Variants in RALYL observed in about 807,000 individuals in gnomAD.
RALYL encodes the protein RALY RNA binding protein like.
A neutral mutation model predicts 35.1 loss-of-function variants in RALYL; 29 were observed. That is an observed-to-expected ratio of 0.83 (90% CI 0.61 to 1.13). The LOEUF is 1.13. Among genes scored for constraint, RALYL ranks in the 50% most tolerant of loss-of-function variants. The pLI, the probability that RALYL is intolerant of heterozygous loss-of-function variation, is 0.00. For missense variants in RALYL, 359 were observed against 360.4 expected, an observed-to-expected ratio of 1.00 and a Z score of 0.03; for synonymous variants, 120 against 127.6, an observed-to-expected ratio of 0.94 and a Z score of 0.40.
At chr8:84,481,391 A>G (rs1325041696) in intron 1 of RALYL, among the ~76,000 whole-genome samples, 1 of 152,110 alleles carries the variant, frequency 6.6e-6, no homozygotes, top group Non-Finnish European at 1.5e-5. Flanking sequence ...GTGCAATGGC[A>G]CCATCATAGC....
At chr8:84,327,693 AT>A (rs1846065835) in intron 1 of RALYL, among the ~76,000 whole-genome samples, 1 of 151,826 alleles carries the variant, frequency 6.6e-6, no homozygotes, top group African/African-American at 2.4e-5. Flanking sequence ...AAAAAAAAAA[AT>A]TGCCATTCCC....
chr8:84,692,539 C>T (rs1353057391), intron 2 of RALYL, among the ~76,000 whole-genome samples: 2 of 152,100 alleles, frequency 1.3e-5, no homozygotes, highest in Admixed American at 1.3e-4. Flanking sequence ...ACCTAAATAT[C>T]ATTTCTCACA....
intron 1 of RALYL, among the ~76,000 whole-genome samples, chr8:84,316,593 T>G (rs1427261816): frequency 2.0e-5 from 3 of 152,182 alleles, no homozygotes; most frequent in Admixed American, 6.5e-5. Context: ...TAAACGTTGT[T>G]CATCTGTAGT....
chr8:84,283,606 G>A (rs1255114649), intron 1 of RALYL, among the ~76,000 whole-genome samples: 1 of 152,086 alleles, frequency 6.6e-6, no homozygotes, highest in Non-Finnish European at 1.5e-5. Flanking sequence ...AGTCACTGAA[G>A]GAATCCCAGA....
chr8:84,894,486 A>G (rs1167945760), intron 8 of RALYL, among the ~76,000 whole-genome samples: 1 of 152,164 alleles, frequency 6.6e-6, no homozygotes, highest in Non-Finnish European at 1.5e-5. Flanking sequence ...TCCTACTGAG[A>G]ATAGATATTG....
intron 2 of RALYL, among the ~76,000 whole-genome samples, chr8:84,646,912 T>C (rs1827622668): frequency 6.6e-6 from 1 of 152,054 alleles, no homozygotes; most frequent in African/African-American, 2.4e-5. Flanking sequence ...TTGATGATGA[T>C]TTTGTTTGTG....
intron 1 of RALYL, among the ~76,000 whole-genome samples, chr8:84,320,993 T>C (rs966775533): frequency 1.2e-4 from 19 of 152,128 alleles, no homozygotes; most frequent in Non-Finnish European, 2.5e-4. Flanking sequence ...TTTTTTGGCA[T>C]ATTGCAAAAT....
intron 2 of RALYL, among the ~76,000 whole-genome samples, chr8:84,598,802 C>T (rs1280230317): frequency 6.6e-6 from 1 of 152,182 alleles, no homozygotes; most frequent in African/African-American, 2.4e-5. Context: ...GCAGGTATCT[C>T]TTTAACATTT....
In RALYL at chr8:84,751,572, A is replaced by T. The variant is rs1010303052; in HGVS notation, c.257-23007A>T. Among the ~76,000 whole-genome samples the T allele has an allele frequency of 1.1e-4, 17 of 152,210 alleles. No individual in the cohort carries two copies. In the South Asian group the frequency reaches 3.3e-3, roughly 30 times the overall value. ...GGATTTGTGTGTCTGCCCAAATCTCATGTCAAATTGTAATACCCATTATTG... is the reference window on the plus strand; with the variant it reads ...GGATTTGTGTGTCTGCCCAAATCTCTTGTCAAATTGTAATACCCATTATTG... On this transcript the variant is annotated intron_variant, in intron 2 of 8. Transcript: ENST00000521268.
chr8:84,232,873 CA>C (rs1271582604), intron 1 of RALYL, among the ~76,000 whole-genome samples: 1 of 151,962 alleles, frequency 6.6e-6, no homozygotes, highest in African/African-American at 2.4e-5. Flanking sequence ...TATAATAAAA[CA>C]GCCATTAAAA....
chr8:84,437,476 G>A (rs2047863911), intron 1 of RALYL, among the ~76,000 whole-genome samples: 2 of 152,164 alleles, frequency 1.3e-5, no homozygotes, highest in Non-Finnish European at 2.9e-5. Flanking sequence ...CCCATCAACA[G>A]CACATAAGCA....
At chr8:84,639,874 A>T (rs1047643172) in intron 2 of RALYL, among the ~76,000 whole-genome samples, 1 of 151,984 alleles carries the variant, frequency 6.6e-6, no homozygotes, top group African/African-American at 2.4e-5. Flanking sequence ...TCCAGAAGCC[A>T]AAAAATAAGG....
chr8:84,897,456 TTTGA>T (rs1844946512), intron 8 of RALYL, among the ~76,000 whole-genome samples: 1 of 152,224 alleles, frequency 6.6e-6, no homozygotes, highest in South Asian at 2.1e-4. Context: ...TAAATTTTTA[TTTGA>T]TTGTATAGCT....
intron 1 of RALYL, among the ~76,000 whole-genome samples, chr8:84,501,792 G>A (rs1450514334): frequency 6.6e-6 from 1 of 150,444 alleles, no homozygotes; most frequent in Non-Finnish European, 1.5e-5. Context: ...CTTTTGTATA[G>A]CCAGGATTAG....
intron 2 of RALYL, among the ~76,000 whole-genome samples, chr8:84,544,823 T>C (rs77156908): frequency 0.012 from 1,851 of 152,140 alleles, 41 homozygotes; most frequent in African/African-American, 0.041. Flanking sequence ...TGGAATATAT[T>C]TTACAACACA....
intron 6 of RALYL, among the ~76,000 whole-genome samples, chr8:84,869,844 A>G (rs1345900444): frequency 1.3e-5 from 2 of 152,234 alleles, no homozygotes; most frequent in African/African-American, 4.8e-5. Context: ...ATTTTTATAT[A>G]GACAGATGAT....
intron 2 of RALYL, chr8:84,679,010 C>T: frequency 3.0e-6 from 1 of 337,856 alleles, no homozygotes; most frequent in Non-Finnish European, 5.9e-6. Context: ...CTGACACTAG[C>T]CTGGCCACCA....
chr8:84,287,881 T>G (rs1354041470), intron 1 of RALYL, among the ~76,000 whole-genome samples: 1 of 152,208 alleles, frequency 6.6e-6, no homozygotes, highest in Non-Finnish European at 1.5e-5. Flanking sequence ...TCTAGGGCAC[T>G]CTTGATGGCT....
chr8:84,451,028 G>A (rs990040792), intron 1 of RALYL, among the ~76,000 whole-genome samples: 2 of 151,908 alleles, frequency 1.3e-5, no homozygotes, highest in African/African-American at 4.8e-5. Flanking sequence ...TGGTCCACAG[G>A]CAAGTCAAAA....
Sources: allele counts gnomAD v4.1 joint callset (sites outside exome capture counted in the v4.1 genomes callset), GRCh38; gene constraint gnomAD v4.1.1; transcripts MANE v1.5; gene names NCBI Gene and HGNC (gene_info 2026-07-23, HGNC 2026-07-21).